CDK17: variants seen among roughly 807,000 people sequenced by gnomAD.
CDK17 encodes cyclin-dependent kinase 17.
A neutral mutation model predicts 77.6 loss-of-function variants in CDK17; 24 were observed. The observed-to-expected ratio is 0.31, with a 90% CI of 0.22 to 0.44. CDK17 has a LOEUF of 0.44. Ranked by LOEUF, CDK17 falls within the 20% of genes least tolerant of loss-of-function variation. The probability of loss-of-function intolerance (pLI) is 1.00; values close to 1 mark genes in which losing one functional copy is unlikely to be tolerated. For synonymous variants in CDK17, 203 were observed against 210.4 expected (o/e 0.96, Z 0.30); for missense variants, 429 against 622.5 (o/e 0.69, Z 3.31).
intron 1 of CDK17, among the ~76,000 whole-genome samples, chr12:96,337,660 C>A (rs1300932992): frequency 6.6e-6 from 1 of 152,152 alleles, no homozygotes; most frequent in Non-Finnish European, 1.5e-5. Context: ...TGATAGTCAA[C>A]CTTTATAGCT....
chr12:96,371,337 C>T (rs1054493319), intron 1 of CDK17, among the ~76,000 whole-genome samples: 1 of 152,080 alleles, frequency 6.6e-6, no homozygotes, highest in Non-Finnish European at 1.5e-5. Context: ...GACCCACTGA[C>T]GTAAAGATAT....
At chr12:96,322,836 C>T (rs144444832) in intron 3 of CDK17, among the ~76,000 whole-genome samples, 3 of 152,222 alleles carry the variant, frequency 2.0e-5, no homozygotes, top group East Asian at 3.9e-4. Flanking sequence ...TGTTTAACAA[C>T]CAGTTTGCAA....
chr12:96,303,956 A>G (rs1484927714), intron 5 of CDK17, among the ~76,000 whole-genome samples: 1 of 152,234 alleles, frequency 6.6e-6, no homozygotes, highest in Non-Finnish European at 1.5e-5. Flanking sequence ...TTCCCTATAC[A>G]TATTAAATAC....
At chr12:96,374,331 G>A (rs949902225) in intron 1 of CDK17, among the ~76,000 whole-genome samples, 3 of 152,190 alleles carry the variant, frequency 2.0e-5, no homozygotes, top group Admixed American at 6.5e-5. Context: ...TACATGCGTA[G>A]AAAAATTGTT....
chr12:96,379,166 T>C (rs1452798999), intron 1 of CDK17, among the ~76,000 whole-genome samples: 1 of 152,142 alleles, frequency 6.6e-6, no homozygotes, highest in Non-Finnish European at 1.5e-5. Flanking sequence ...ATGGAGGTAT[T>C]TCAAGTCAAA....
intron 1 of CDK17, among the ~76,000 whole-genome samples, chr12:96,359,011 T>C (rs955403031): frequency 5.3e-5 from 8 of 151,580 alleles, no homozygotes; most frequent in Admixed American, 2.6e-4. Context: ...AAATGGCCTA[T>C]ATTTGACATC....
At position 96,355,891 on chromosome 12, in the gene CDK17, A is replaced by AT. The variant is rs1242673773; in HGVS notation, c.-29-21027dup. On this transcript the variant is annotated intron_variant, in intron 1 of 16. Coordinates refer to ENST00000261211, the MANE Select transcript of CDK17 (RefSeq NM_002595.5). The stretch of plus-strand genomic sequence containing the variant: ...ACTAACATAGTACTAGAGATTAGTC[A>AT]TTTTTTTGACTTAGGCTCTGTCTCC... Among the ~76,000 whole-genome samples the AT allele has an allele frequency of 3.3e-5, 5 of 152,280 alleles. No homozygotes were observed. In the East Asian group the frequency reaches 5.8e-4, roughly 18 times the overall value.
chr12:96,392,479 A>G (rs1485347795), intron 1 of CDK17, among the ~76,000 whole-genome samples: 2 of 152,220 alleles, frequency 1.3e-5, no homozygotes, highest in Admixed American at 6.5e-5. Flanking sequence ...ACATTCCAAA[A>G]CCCTTACGTA....
chr12:96,297,266 ATACC>A lies in CDK17; in HGVS notation c.873_873+3del, dbSNP rs1189696339. On this transcript the variant is annotated splice_donor_variant and splice_donor_region_variant and coding_sequence_variant and intron_variant, in exon 9 of 17. Transcript: ENST00000261211. LOFTEE classifies it high-confidence loss of function. Reference sequence around the variant, plus strand: ...TTAAAAATTACACACGCAAGAAAACATACCTTTACGTTGTGCATACTCATGATGT... The same window carrying A: ...TTAAAAATTACACACGCAAGAAAACATTTACGTTGTGCATACTCATGATGT... The A allele has an allele frequency of 6.3e-7, 1 of 1,597,350 alleles. No individual in the cohort carries two copies.
intron 1 of CDK17, among the ~76,000 whole-genome samples, chr12:96,340,284 A>AAT (rs1417351364): frequency 2.3e-4 from 35 of 152,246 alleles, no homozygotes; most frequent in Non-Finnish European, 3.1e-4. Flanking sequence ...GAGTGAAGAA[A>AAT]ATCCTGGTCT....
intron 5 of CDK17, among the ~76,000 whole-genome samples, chr12:96,308,494 C>T (rs1183099206): frequency 3.3e-5 from 5 of 151,384 alleles, no homozygotes; most frequent in South Asian, 2.1e-4. Flanking sequence ...GTTGGGAGGC[C>T]GAGGCGGGTG....
intron 3 of CDK17, 32 bp from the exon 4 acceptor site, chr12:96,313,486 A>T (rs771500910): frequency 1.6e-6 from 2 of 1,256,744 alleles, no homozygotes; most frequent in Non-Finnish European, 2.2e-6. Context: ...TAAAAGAGAT[A>T]CATTATATTC....
intron 1 of CDK17, among the ~76,000 whole-genome samples, chr12:96,365,520 C>T (rs893236887): frequency 1.3e-5 from 2 of 152,078 alleles, no homozygotes; most frequent in Admixed American, 1.3e-4. Context: ...GAGGGAAACA[C>T]AAAATGCCTT....
intron 1 of CDK17, among the ~76,000 whole-genome samples, chr12:96,369,858 A>G (rs1378187797): frequency 6.6e-6 from 1 of 152,188 alleles, no homozygotes; most frequent in African/African-American, 2.4e-5. Context: ...AGGTGGGCGG[A>G]TCACGAGGTC....
intron 1 of CDK17, among the ~76,000 whole-genome samples, chr12:96,366,090 T>A (rs928696049): frequency 6.6e-6 from 1 of 152,178 alleles, no homozygotes; most frequent in Non-Finnish European, 1.5e-5. Context: ...TCAACACTTC[T>A]GAGAAGAGAT....
intron 2 of CDK17, among the ~76,000 whole-genome samples, chr12:96,332,348 A>T (rs565342510): frequency 1.5e-4 from 23 of 152,230 alleles, no homozygotes; most frequent in Non-Finnish European, 2.8e-4. Context: ...GCATTATGCT[A>T]CTATTTGGCA....
intron 6 of CDK17, among the ~76,000 whole-genome samples, chr12:96,299,624 C>T (rs1032393075): frequency 6.6e-6 from 1 of 152,072 alleles, no homozygotes; most frequent in Non-Finnish European, 1.5e-5. Flanking sequence ...CTCCTGACCT[C>T]GTGATTCACC....
Position 96,297,694 on chromosome 12 carries a change from G to T in CDK17, c.743C>A (p.Ala248Glu). 1 of 1,599,614 alleles carries T rather than the reference G, an allele frequency of 6.3e-7. No individual in the cohort carries two copies. Among genetic ancestry groups the T allele is most frequent in the Middle Eastern group, 1.7e-4 (1 of 6,002 alleles). Residue 248 changes from alanine (A) to glutamate (E), a missense_variant, in exon 8 of 17, where the codon GCA (alanine) becomes GAA (glutamate). Ala to Glu is a moderately radical substitution (Grantham distance 107). Transcript: ENST00000261211. Reference protein sequence around the residue: ...EVSLLKDLKHANIVTLHDIVH... With the variant: ...EVSLLKDLKHENIVTLHDIVH... The stretch of plus-strand genomic sequence containing the variant: ...AATGTCATGTAAGGTTACTATATTT[G>T]CATGTTTTAAATCCTTTAATAGTGA...
chr12:96,301,932 C>T (rs1029489239), intron 5 of CDK17, among the ~76,000 whole-genome samples: 3 of 152,056 alleles, frequency 2.0e-5, no homozygotes, highest in Non-Finnish European at 4.4e-5. Context: ...ATATTAAAAG[C>T]CATGTGGAAA....
Sources: gnomAD v4.1 joint callset for allele counts (sites outside exome capture counted in the v4.1 genomes callset) on GRCh38, gnomAD v4.1.1 for gene constraint, MANE v1.5 for transcripts, NCBI Gene and HGNC (gene_info 2026-07-23, HGNC 2026-07-21) for gene names.